FILIP1L: variants seen among roughly 807,000 people sequenced by gnomAD.
The protein encoded by FILIP1L is filamin A-interacting protein 1-like.
FILIP1L carries 55 observed loss-of-function variants against 96.6 expected under a neutral mutation model. The observed-to-expected ratio is 0.57, with a 90% confidence interval of 0.46 to 0.71. The LOEUF is 0.71. Ranked by LOEUF, FILIP1L falls within the 30% of genes least tolerant of loss-of-function variation. The pLI is 0.00. For synonymous variants in FILIP1L, 467 were observed against 473.9 expected (o/e 0.99, Z 0.19); for missense variants, 1,304 against 1,321.2 (o/e 0.99, Z 0.20).
At chr3:100,113,414 CT>C (rs1464917834) in intron 1 of FILIP1L, among the ~76,000 whole-genome samples, 3 of 152,214 alleles carry the variant, frequency 2.0e-5, no homozygotes, top group Non-Finnish European at 4.4e-5. Context: ...AGAACAAGTT[CT>C]TGATAGGTAT....
intron 4 of FILIP1L, among the ~76,000 whole-genome samples, chr3:99,908,037 G>A (rs947946929): frequency 3.9e-5 from 6 of 152,232 alleles, no homozygotes; most frequent in African/African-American, 1.2e-4. Flanking sequence ...ATCTGGTCAT[G>A]CAATGAGCAT....
chr3:100,094,494 C>A (rs2107442254), intron 1 of FILIP1L, among the ~76,000 whole-genome samples: 1 of 152,060 alleles, frequency 6.6e-6, no homozygotes, highest in Admixed American at 6.5e-5. Context: ...TATAAAAACT[C>A]TTTGTCTAGA....
intron 4 of FILIP1L, among the ~76,000 whole-genome samples, chr3:99,919,729 CATA>C (rs1707064597): frequency 6.6e-6 from 1 of 151,958 alleles, no homozygotes; most frequent in Non-Finnish European, 1.5e-5. Context: ...ATAGGCCTGT[CATA>C]ATAGAAAAGG....
intron 1 of FILIP1L, among the ~76,000 whole-genome samples, chr3:100,042,330 G>T (rs1161182361): frequency 6.6e-6 from 1 of 151,978 alleles, no homozygotes; most frequent in African/African-American, 2.4e-5. Flanking sequence ...AAGAAGACCA[G>T]CCAGTAACAA....
intron 1 of FILIP1L, among the ~76,000 whole-genome samples, chr3:99,987,665 T>C (rs1446149812): frequency 1.3e-5 from 2 of 152,224 alleles, no homozygotes; most frequent in African/African-American, 4.8e-5. Flanking sequence ...ACAATTCTGT[T>C]ATTAACATGA....
At chr3:100,014,472 A>C (rs1487691033) in intron 1 of FILIP1L, among the ~76,000 whole-genome samples, 1 of 152,086 alleles carries the variant, frequency 6.6e-6, no homozygotes. Flanking sequence ...AGTGTATAAG[A>C]GTTCCCTTTC....
chr3:99,988,428 C>T (rs559605857), intron 1 of FILIP1L, among the ~76,000 whole-genome samples: 81 of 141,364 alleles, frequency 5.7e-4, no homozygotes, highest in African/African-American at 2.1e-3. Flanking sequence ...AGGAGAATCG[C>T]TTGAATGTGG....
chr3:99,927,778 G>A lies in FILIP1L; in HGVS notation c.426+2078C>T, dbSNP rs576834730. On this transcript the variant is annotated intron_variant, in intron 3 of 5. Transcript: ENST00000477258. The stretch of plus-strand genomic sequence containing the variant: ...ACCCTAGGCTGGAAAGGAATAGGAG[G>A]TCAAAACTCTTGTGGACTGAGTCCT... 3.9e-5 allele frequency among the ~76,000 whole-genome samples: 6 copies of A among 152,230 alleles called. No individual in the cohort carries two copies. The South Asian group carries it at 1.2e-3, about 32-fold the overall frequency.
intron 1 of FILIP1L, among the ~76,000 whole-genome samples, chr3:100,031,701 C>T (rs1165565300): frequency 6.6e-6 from 1 of 151,996 alleles, no homozygotes; most frequent in Non-Finnish European, 1.5e-5. Context: ...TGAGGATCTA[C>T]GACAAGAAGG....
rs1271626015 is a variant in FILIP1L, at chr3:99,924,351, A to T, written c.484T>A (p.Leu162Ile). The change falls in exon 4 of 6, where the codon TTA becomes ATA. Residue 162 changes from leucine (L) to isoleucine (I), a missense_variant. Coordinates refer to ENST00000477258, the MANE Select transcript of FILIP1L (RefSeq NM_001387850.1). ...ESYRRILGQL[L>I]VAEKSRRQTI... ...TGCCTACGGGATTTTTCTGCCACTA[A>T]AAGCTGTCCCAGGATTCGTCTGTAA... is the stretch of plus-strand genomic sequence containing the variant. 5 of 1,614,006 alleles carry T rather than the reference A, an allele frequency of 3.1e-6. No individual in the cohort carries two copies. The highest frequency in any genetic ancestry group is 1.6e-4 in the Middle Eastern group (1 of 6,084).
At chr3:100,017,710 AGCC>A (rs1169121537) in intron 1 of FILIP1L, among the ~76,000 whole-genome samples, 1 of 151,206 alleles carries the variant, frequency 6.6e-6, no homozygotes, top group Non-Finnish European at 1.5e-5. Context: ...GGATCCCTTG[AGCC>A]CAGGAGTTCA....
intron 1 of FILIP1L, among the ~76,000 whole-genome samples, chr3:100,107,594 C>A (rs1576070639): frequency 6.6e-6 from 1 of 152,074 alleles, no homozygotes; most frequent in Non-Finnish European, 1.5e-5. Flanking sequence ...TAAATGCTGT[C>A]TTTTTAAATT....
intron 4 of FILIP1L, among the ~76,000 whole-genome samples, chr3:99,870,845 G>A (rs1944752815): frequency 6.6e-6 from 1 of 152,188 alleles, no homozygotes; most frequent in South Asian, 2.1e-4. Context: ...AGCCATTTGT[G>A]CCCCGTAAGT....
chr3:100,021,597 A>G (rs1278524598), intron 1 of FILIP1L, among the ~76,000 whole-genome samples: 2 of 152,178 alleles, frequency 1.3e-5, no homozygotes, highest in South Asian at 2.1e-4. Flanking sequence ...CTGTGACCCC[A>G]TTTTAGAAGA....
intron 4 of FILIP1L, among the ~76,000 whole-genome samples, chr3:99,883,049 T>C (rs1705780318): frequency 6.6e-6 from 1 of 152,206 alleles, no homozygotes; most frequent in Non-Finnish European, 1.5e-5. Flanking sequence ...ATAATTTATG[T>C]CACTAAGCAT....
chr3:100,055,978 A>T (rs1172490856), intron 1 of FILIP1L, among the ~76,000 whole-genome samples: 1 of 152,210 alleles, frequency 6.6e-6, no homozygotes, highest in South Asian at 2.1e-4. Context: ...GTCCAAGCTT[A>T]ATCTTAGGCA....
chr3:99,934,051 C>T (rs913651526), intron 1 of FILIP1L, among the ~76,000 whole-genome samples: 5 of 152,280 alleles, frequency 3.3e-5, no homozygotes, highest in Non-Finnish European at 5.9e-5. Flanking sequence ...GAGCCTCAGC[C>T]GGGTCATCTC....
intron 1 of FILIP1L, among the ~76,000 whole-genome samples, chr3:100,014,728 A>G (rs1332605961): frequency 1.4e-5 from 2 of 147,336 alleles, no homozygotes; most frequent in Admixed American, 6.7e-5. Flanking sequence ...TGTTTTGGAT[A>G]TTGGATATTA....
chr3:99,938,054 T>G (rs1040624273), intron 1 of FILIP1L, among the ~76,000 whole-genome samples: 1 of 80,044 alleles, frequency 1.2e-5, no homozygotes, highest in Non-Finnish European at 2.4e-5. Context: ...TCAGGAAGTG[T>G]GTGTGTGTGT....
Sources: allele counts gnomAD v4.1 joint callset (sites outside exome capture counted in the v4.1 genomes callset), GRCh38; gene constraint gnomAD v4.1.1; transcripts MANE v1.5; gene names NCBI Gene and HGNC (gene_info 2026-07-23, HGNC 2026-07-21).